Variants in SPG11 observed in about 807,000 individuals in gnomAD.
SPG11 encodes spatacsin.
SPG11 carries 222 observed loss-of-function variants against 274.0 expected under a neutral mutation model. That is an observed-to-expected ratio of 0.81 (90% confidence interval 0.73 to 0.91). The LOEUF (loss-of-function observed/expected upper bound fraction) is 0.91, where lower values mean the gene tolerates loss of function less well. Among genes scored for constraint, SPG11 ranks in the 40% least tolerant of loss-of-function variants. The pLI is 0.00. For synonymous variants in SPG11, 1,144 were observed against 1,039.7 expected, an observed-to-expected ratio of 1.10 and a Z score of -1.93; for missense variants, 3,114 against 2,872.7, an observed-to-expected ratio of 1.08 and a Z score of -1.92.
At chr15:44,571,591 G>A (rs960815415) in intron 33 of SPG11, among the ~76,000 whole-genome samples, 14 of 146,948 alleles carry the variant, frequency 9.5e-5, no homozygotes, top group Non-Finnish European at 1.6e-4. Context: ...TCCACCTCCC[G>A]GGTTCAGGCC....
Position 44,566,220 on chromosome 15 carries a change from G to C in SPG11, c.6840C>G (p.Ala2280=), listed in dbSNP as rs760995829. Residue 2280 remains alanine (A), a synonymous_variant, in exon 37 of 40, where the codon GCC becomes GCG. Transcript: ENST00000261866. ...TLMLDAAESY[A]KDSCVRQAQH... is the part of the protein sequence containing the mutation. Reference sequence around the variant, plus strand: ...CTGAAAAAAGCCTTTGGGTTACCTTGGCATAACTCTCTGCTGCATCCAACA... The same window carrying C: ...CTGAAAAAAGCCTTTGGGTTACCTTCGCATAACTCTCTGCTGCATCCAACA... 4 of 1,614,156 alleles carry C rather than the reference G, an allele frequency of 2.5e-6. No homozygotes were observed. Among genetic ancestry groups the C allele is most frequent in the South Asian group, 1.1e-5 (1 of 91,070 alleles).
chr15:44,568,805 C>CA (rs570214442), intron 35 of SPG11, among the ~76,000 whole-genome samples: 314 of 152,274 alleles, frequency 2.1e-3, no homozygotes, highest in Non-Finnish European at 3.7e-3. Context: ...TTGCCCCTGC[C>CA]AGAGAAGGCA....
At chr15:44,574,731 C>T (rs2082497722) in intron 31 of SPG11, among the ~76,000 whole-genome samples, 171 bp downstream of exon 31, 1 of 152,170 alleles carries the variant, frequency 6.6e-6, no homozygotes, top group African/African-American at 2.4e-5. Context: ...GCCTGGTGTC[C>T]TCCCCACCAT....
intron 36 of SPG11, among the ~76,000 whole-genome samples, chr15:44,566,544 C>T (rs1595818123): frequency 1.3e-5 from 2 of 152,188 alleles, no homozygotes; most frequent in African/African-American, 4.8e-5. Context: ...TCAAGGAAGG[C>T]TTACATGGTA....
intron 28 of SPG11, among the ~76,000 whole-genome samples, chr15:44,587,315 A>G (rs1164256855): frequency 6.6e-6 from 1 of 152,190 alleles, no homozygotes; most frequent in East Asian, 1.9e-4. Context: ...TTCCAGTGCC[A>G]CCTGCTGGGC....
At chr15:44,563,449 G>T (rs751620494) in intron 39 of SPG11, 148 bp from the exon 40 acceptor site, 7 of 690,488 alleles carry the variant, frequency 1.0e-5, no homozygotes, top group Non-Finnish European at 1.8e-5. Context: ...AGTGATTCTT[G>T]TGCCTCAGCC....
At position 44,610,831 on chromosome 15, in the gene SPG11, T is replaced by C. The variant is rs769740604; in HGVS notation, c.3291+9A>G. ...TCAGTCCTATTTTGTCATAAAGTGC[T>C]ATCCATACCTGACTGACACCCCCAG... On this transcript the variant is annotated intron_variant, in intron 18 of 39. Transcript: ENST00000261866. 8 of 1,613,458 alleles carry C rather than the reference T, an allele frequency of 5.0e-6. No homozygotes were observed. Among genetic ancestry groups the C allele is most frequent in the Non-Finnish European group, 6.8e-6 (8 of 1,179,562 alleles).
At chr15:44,576,048 A>G (rs879644018) in intron 30 of SPG11, among the ~76,000 whole-genome samples, 2 of 145,844 alleles carry the variant, frequency 1.4e-5, no homozygotes, top group African/African-American at 5.1e-5. Context: ...AGGCTGAGGC[A>G]GGAGAATTGC....
chr15:44,636,823 G>A (rs1344408020), intron 7 of SPG11, among the ~76,000 whole-genome samples: 1 of 151,000 alleles, frequency 6.6e-6, no homozygotes, highest in Non-Finnish European at 1.5e-5. Flanking sequence ...CTACTTGGGA[G>A]GCTGAGAGAG....
intron 5 of SPG11, 55 bp from the exon 6 acceptor site, chr15:44,651,994 A>AAAACACTAAACC: frequency 6.3e-7 from 1 of 1,579,714 alleles, no homozygotes; most frequent in Non-Finnish European, 8.6e-7. Flanking sequence ...GGCACTATGT[A>AAAACACTAAACC]AAACACTAAA....
chr15:44,617,727 G>A (rs2083625397), intron 15 of SPG11, among the ~76,000 whole-genome samples: 1 of 152,120 alleles, frequency 6.6e-6, no homozygotes, highest in African/African-American at 2.4e-5. Context: ...CCAGGCTGGA[G>A]TTCAGTGGCT....
chr15:44,634,441 ATTTTTTT>A (rs1334276767), intron 7 of SPG11, among the ~76,000 whole-genome samples: 1 of 133,088 alleles, frequency 7.5e-6, no homozygotes, highest in Non-Finnish European at 1.6e-5. Context: ...CACCCAGCTG[ATTTTTTT>A]TTTTTTTTTG....
At chr15:44,600,743 C>T in intron 20 of SPG11, 111 bp from the exon 21 acceptor site, 1 of 1,130,946 alleles carries the variant, frequency 8.8e-7, no homozygotes, top group Admixed American at 1.9e-5. Flanking sequence ...TATTTTGCAT[C>T]ACTACGTATC....
intron 30 of SPG11, among the ~76,000 whole-genome samples, chr15:44,583,222 A>G (rs1398723530): frequency 6.6e-6 from 1 of 152,202 alleles, no homozygotes; most frequent in African/African-American, 2.4e-5. Context: ...CTCACGCCCT[A>G]TAATCTCGGC....
intron 20 of SPG11, among the ~76,000 whole-genome samples, chr15:44,605,472 A>T (rs1428585065): frequency 6.6e-6 from 1 of 152,240 alleles, no homozygotes; most frequent in Non-Finnish European, 1.5e-5. Flanking sequence ...GATATTAAAG[A>T]TAAAAGAGAA....
intron 8 of SPG11, among the ~76,000 whole-genome samples, chr15:44,630,706 A>C (rs1297228420): frequency 6.6e-6 from 1 of 152,030 alleles, no homozygotes; most frequent in Non-Finnish European, 1.5e-5. Flanking sequence ...CAGCCTCCCG[A>C]GTAGCTGGGA....
intron 11 of SPG11, among the ~76,000 whole-genome samples, chr15:44,624,368 T>A (rs1197696309): frequency 1.3e-5 from 2 of 151,326 alleles, no homozygotes; most frequent in Non-Finnish European, 2.9e-5. Flanking sequence ...AAACCTGCAA[T>A]TTTAAACAAC....
chr15:44,647,773 C>T (rs1481423826), intron 7 of SPG11, among the ~76,000 whole-genome samples: 2 of 152,146 alleles, frequency 1.3e-5, no homozygotes, highest in Admixed American at 6.5e-5. Context: ...TAGGGAGTGG[C>T]CACTAATGGT....
chr15:44,610,697 T>G, intron 18 of SPG11, 143 bp downstream of exon 18: 2 of 918,426 alleles, frequency 2.2e-6, no homozygotes, highest in Non-Finnish European at 3.4e-6. Context: ...AATTTTTAAA[T>G]TCAGCCTTAT....
Sources: allele counts gnomAD v4.1 joint callset (sites outside exome capture counted in the v4.1 genomes callset), GRCh38; gene constraint gnomAD v4.1.1; transcripts MANE v1.5; gene names NCBI Gene and HGNC (gene_info 2026-07-23, HGNC 2026-07-21).